KCNIP4: variants seen among roughly 807,000 people sequenced by gnomAD.
KCNIP4 encodes potassium voltage-gated channel interacting protein 4, also known as Kv channel-interacting protein 4.
A neutral mutation model predicts 34.0 loss-of-function variants in KCNIP4; 12 were observed. The ratio of observed to expected loss-of-function variants is 0.35; its 90% CI spans 0.23 to 0.57. The LOEUF (loss-of-function observed/expected upper bound fraction) is 0.57. KCNIP4 is among the 20% of genes least tolerant of loss of function. The pLI, the probability that KCNIP4 is intolerant of heterozygous loss-of-function variation, is 0.83. For missense variants in KCNIP4, 238 were observed against 311.7 expected (o/e 0.76, Z 1.78); for synonymous variants, 124 against 102.2 (o/e 1.21, Z -1.29).
intron 3 of KCNIP4, among the ~76,000 whole-genome samples, chr4:20,837,680 A>ATT (rs202064397): frequency 3.3e-4 from 30 of 89,896 alleles, no homozygotes; most frequent in East Asian, 7.1e-4. Flanking sequence ...ATATATATAT[A>ATT]TATATATTTT....
chr4:21,199,846 G>C (rs1560802835), intron 1 of KCNIP4, among the ~76,000 whole-genome samples: 1 of 151,872 alleles, frequency 6.6e-6, no homozygotes, highest in Admixed American at 6.6e-5. Context: ...ATACACCATG[G>C]AATACTATGC....
chr4:21,556,546 C>T (rs1434328195), intron 1 of KCNIP4, among the ~76,000 whole-genome samples: 1 of 152,110 alleles, frequency 6.6e-6, no homozygotes, highest in Non-Finnish European at 1.5e-5. Context: ...GCCATTATTG[C>T]TTCCTCAAAC....
rs548766671 is a variant in KCNIP4, at chr4:21,611,836, C to T, written c.61+336735G>A. On this transcript the variant is annotated intron_variant, in intron 1 of 8. Coordinates refer to ENST00000382152, the MANE Select transcript of KCNIP4 (RefSeq NM_025221.6). ...AAGCCGGCAGGTATAGTTAGAGAGA[C>T]GGAAAGGTACAAGACCAACTATGGA... is the stretch of plus-strand genomic sequence containing the variant. 1.1e-4 allele frequency among the ~76,000 whole-genome samples: 17 copies of T among 152,130 alleles called. No individual in the cohort carries two copies. In the South Asian group the frequency reaches 1.7e-3, roughly 15 times the overall value.
intron 1 of KCNIP4, among the ~76,000 whole-genome samples, chr4:21,589,156 GTATATATATA>G (rs375787939): frequency 2.5e-4 from 18 of 71,242 alleles, no homozygotes; most frequent in South Asian, 4.9e-4. Context: ...ATGGAGGTGT[GTATATATATA>G]TATATATATA....
chr4:21,914,380 G>A (rs1050018507), intron 1 of KCNIP4, among the ~76,000 whole-genome samples: 9 of 152,088 alleles, frequency 5.9e-5, no homozygotes, highest in African/African-American at 1.9e-4. Flanking sequence ...GTTGTGAGAT[G>A]CAAAATCCCT....
chr4:21,024,617 A>G lies in KCNIP4; in HGVS notation c.62-141908T>C, dbSNP rs566144364. On this transcript the variant is annotated intron_variant, in intron 1 of 8. Transcript: ENST00000382152. ...TGTTTGAACCGTTTCTAAAATTGTC[A>G]TTAAACACCCAGCAATAAGTCTATT... Among the ~76,000 whole-genome samples the G allele has an allele frequency of 3.9e-5, 6 of 152,318 alleles. No homozygotes were observed. In the East Asian group the frequency reaches 1.2e-3, roughly 29 times the overall value.
chr4:21,087,804 T>C (rs1464750704), intron 1 of KCNIP4, among the ~76,000 whole-genome samples: 1 of 152,190 alleles, frequency 6.6e-6, no homozygotes, highest in African/African-American at 2.4e-5. Context: ...ATGTCCACTG[T>C]GTCTTCATTT....
chr4:21,726,906 T>C (rs1364610871), intron 1 of KCNIP4, among the ~76,000 whole-genome samples: 5 of 152,180 alleles, frequency 3.3e-5, no homozygotes, highest in African/African-American at 9.7e-5. Context: ...TTTGGGAAAG[T>C]AGATTCTTCC....
intron 1 of KCNIP4, among the ~76,000 whole-genome samples, chr4:21,239,976 A>G (rs1248561883): frequency 1.3e-5 from 2 of 152,118 alleles, no homozygotes; most frequent in African/African-American, 4.8e-5. Context: ...AACCAACCCA[A>G]ATGTCCAACA....
intron 1 of KCNIP4, among the ~76,000 whole-genome samples, chr4:21,792,035 C>T (rs1195564335): frequency 1.6e-5 from 2 of 128,992 alleles, no homozygotes; most frequent in Non-Finnish European, 3.0e-5. Flanking sequence ...AAAAACCTAC[C>T]TCATAGGCAC....
At chr4:21,783,739 GAGA>G (rs1719722531) in intron 1 of KCNIP4, among the ~76,000 whole-genome samples, 1 of 152,080 alleles carries the variant, frequency 6.6e-6, no homozygotes, top group Non-Finnish European at 1.5e-5. Flanking sequence ...ATAGAAAGAT[GAGA>G]ATATTATAAA....
At chr4:21,047,144 A>T (rs116221497) in intron 1 of KCNIP4, among the ~76,000 whole-genome samples, 1 of 152,342 alleles carries the variant, frequency 6.6e-6, no homozygotes, top group African/African-American at 2.4e-5. Context: ...GATAGCATTT[A>T]TTATACCATG....
intron 3 of KCNIP4, among the ~76,000 whole-genome samples, chr4:20,819,702 G>C (rs561192387): frequency 5.9e-5 from 9 of 152,148 alleles, no homozygotes; most frequent in African/African-American, 2.2e-4. Context: ...TGAGTGCTTC[G>C]CCTCATTAAT....
intron 1 of KCNIP4, among the ~76,000 whole-genome samples, chr4:21,747,371 C>T (rs975958120): frequency 6.6e-6 from 1 of 152,088 alleles, no homozygotes; most frequent in African/African-American, 2.4e-5. Flanking sequence ...CAGAGGCATG[C>T]GTTCTGTAGA....
chr4:21,276,234 A>G (rs1341491864), intron 1 of KCNIP4, among the ~76,000 whole-genome samples: 2 of 152,242 alleles, frequency 1.3e-5, no homozygotes, highest in African/African-American at 4.8e-5. Flanking sequence ...AAATGCAGTC[A>G]CAACCCTGCT....
At chr4:20,821,341 C>CAG (rs1560490404) in intron 3 of KCNIP4, among the ~76,000 whole-genome samples, 2 of 152,156 alleles carry the variant, frequency 1.3e-5, no homozygotes, top group African/African-American at 4.8e-5. Context: ...TGTGCTTGTT[C>CAG]CACCCTTGTA....
At chr4:21,844,714 C>T (rs1443596985) in intron 1 of KCNIP4, 1 of 151,972 alleles carries the variant, frequency 6.6e-6, no homozygotes, top group East Asian at 1.9e-4. Flanking sequence ...CCAAATATGT[C>T]CCTGCTTTAT....
chr4:21,110,287 G>GT (rs1749039432), intron 1 of KCNIP4, among the ~76,000 whole-genome samples: 1 of 152,118 alleles, frequency 6.6e-6, no homozygotes, highest in Non-Finnish European at 1.5e-5. Context: ...ATGTAGGTGG[G>GT]TTTACTTCAC....
intron 1 of KCNIP4, among the ~76,000 whole-genome samples, chr4:20,894,319 A>G (rs73242547): frequency 0.049 from 7,506 of 152,238 alleles, 209 homozygotes; most frequent in Middle Eastern, 0.11. Flanking sequence ...TTGATTCTTA[A>G]TAGGATTTGG....
Sources: gnomAD v4.1 joint callset for allele counts (sites outside exome capture counted in the v4.1 genomes callset) on GRCh38, gnomAD v4.1.1 for gene constraint, MANE v1.5 for transcripts, NCBI Gene and HGNC (gene_info 2026-07-23, HGNC 2026-07-21) for gene names.